The following TAMM41 variants were observed in gnomAD, a reference collection of about 807,000 sequenced individuals.
The protein encoded by TAMM41 is phosphatidate cytidylyltransferase, mitochondrial.
Under a neutral mutation model 44.1 loss-of-function variants are expected in TAMM41, and 36 were observed. That is an observed-to-expected ratio of 0.82 (90% confidence interval 0.63 to 1.08). The LOEUF (loss-of-function observed/expected upper bound fraction) is 1.08, where lower values mean the gene tolerates loss of function less well. Among genes scored for constraint, TAMM41 ranks in the 50% least tolerant of loss-of-function variants. The pLI is 0.00. For missense variants in TAMM41, 417 were observed against 404.3 expected (o/e 1.03, Z -0.27); for synonymous variants, 164 against 153.1 (o/e 1.07, Z -0.53).
chr3:11,758,870 C>A, the TAMM41 span, among the ~76,000 whole-genome samples: 1 of 151,578 alleles, frequency 6.6e-6, no homozygotes, highest in African/African-American at 2.4e-5. Flanking sequence ...GATGGAGTTT[C>A]GCCATGCTGG....
the TAMM41 span, among the ~76,000 whole-genome samples, chr3:11,729,538 C>CTTTTTTTTTTTTT: frequency 8.5e-4 from 56 of 65,518 alleles, 13 homozygotes; most frequent in African/African-American, 2.6e-3. Context: ...TTCTTTCTTT[C>CTTTTTTTTTTTTT]ATTTTTTTTT....
intron 5 of TAMM41, among the ~76,000 whole-genome samples, chr3:11,813,290 G>A (rs1326534487): frequency 2.6e-5 from 4 of 152,166 alleles, no homozygotes; most frequent in African/African-American, 9.7e-5. Flanking sequence ...AGCACTTTGG[G>A]AGGCTGAAGC....
the TAMM41 span, among the ~76,000 whole-genome samples, chr3:11,751,226 G>A: frequency 6.6e-6 from 1 of 151,738 alleles, no homozygotes; most frequent in African/African-American, 2.4e-5. Context: ...TGAGTAGCTG[G>A]GATTACAGGC....
Position 11,846,663 on chromosome 3 carries a change from A to T in TAMM41, c.-27T>A, listed in dbSNP as rs773039499. On this transcript the variant is annotated 5_prime_UTR_variant, in exon 1 of 8. Transcript: ENST00000455809. ...GGGTCGAGGCTAACAGGGGACACTCAGCGCAGCAGGGCGAGGACAACCGGG... is the reference window on the plus strand; with the variant it reads ...GGGTCGAGGCTAACAGGGGACACTCTGCGCAGCAGGGCGAGGACAACCGGG... The T allele has an allele frequency of 4.3e-6, 7 of 1,613,978 alleles. No individual in the cohort carries two copies. The highest frequency in any genetic ancestry group is 5.9e-6 in the Non-Finnish European group (7 of 1,179,904).
Position 11,807,838 on chromosome 3 carries a change from G to A in TAMM41, c.932C>T (p.Thr311Ile). ...CGGATTTCCAAAGCTCTTACCAGCA[G>A]TAAAAATGCCTTTCGTGCTCTGTCT... ...SIRQSTKGIF[T>I]AGLKKSVIYS... Residue 311 changes from threonine to isoleucine, a missense_variant, in exon 7 of 8, where the codon ACT becomes ATT. By Grantham distance (89) the Thr-to-Ile change is moderately conservative (BLOSUM62 -1). Coordinates refer to ENST00000455809, the MANE Select transcript of TAMM41 (RefSeq NM_001284401.2). The A allele has an allele frequency of 6.5e-7, 1 of 1,536,112 alleles. No individual in the cohort carries two copies. The highest frequency in any genetic ancestry group is 8.7e-7 in the Non-Finnish European group (1 of 1,146,918).
intron 3 of TAMM41, among the ~76,000 whole-genome samples, chr3:11,836,253 A>C (rs1036732111): frequency 6.6e-6 from 1 of 152,108 alleles, no homozygotes. Flanking sequence ...AGCCTCCCAA[A>C]GTGCTGGGAT....
rs142742344 is a variant in TAMM41 at position 11,803,216 on chromosome 3, G to A, written c.937+4617C>T. On this transcript the variant is annotated intron_variant, in intron 7 of 7. Coordinates refer to ENST00000455809, the MANE Select transcript of TAMM41 (RefSeq NM_001284401.2). ...GAACCCAGGAGGCAGAGGTTGCTGC[G>A]AGCTGAGATTGCACCACTGCACTCT... Among the ~76,000 whole-genome samples the A allele has an allele frequency of 4.2e-3, 632 of 152,276 alleles. 3 individuals are homozygous for A. The highest frequency in any genetic ancestry group is 0.031 in the Middle Eastern group (9 of 294).
At chr3:11,751,951 C>G in the TAMM41 span, among the ~76,000 whole-genome samples, 1 of 152,110 alleles carries the variant, frequency 6.6e-6, no homozygotes, top group Non-Finnish European at 1.5e-5. Context: ...CAACTAGGAA[C>G]CACTAGGCTT....
At chr3:11,760,923 T>C in the TAMM41 span, among the ~76,000 whole-genome samples, 1 of 151,170 alleles carries the variant, frequency 6.6e-6, no homozygotes, top group South Asian at 2.2e-4. Flanking sequence ...TCCCAGCACT[T>C]TGGGAGGCCG....
the TAMM41 span, among the ~76,000 whole-genome samples, chr3:11,741,791 C>T: frequency 2.4e-4 from 36 of 150,014 alleles, no homozygotes; most frequent in Admixed American, 1.1e-3. Context: ...TTGCCAGCGT[C>T]GCTACTCTGG....
chr3:11,813,961 C>CACAT (rs2078187219), intron 5 of TAMM41, among the ~76,000 whole-genome samples: 2 of 141,390 alleles, frequency 1.4e-5, no homozygotes, highest in Non-Finnish European at 3.0e-5. Context: ...TGTATATATA[C>CACAT]ATATACACAC....
At chr3:11,787,998 G>A (rs1371319293), downstream of TAMM41, among the ~76,000 whole-genome samples, 1 of 152,190 alleles carries the variant, frequency 6.6e-6, no homozygotes, top group African/African-American at 2.4e-5. Flanking sequence ...AAAGACACAA[G>A]TATTCATCAT....
chr3:11,829,578 T>C (rs1258166029), intron 4 of TAMM41, 136 bp downstream of exon 4: 9 of 965,314 alleles, frequency 9.3e-6, no homozygotes, highest in Non-Finnish European at 1.4e-5. Context: ...ACGAGGTTAG[T>C]GCAGGAACCA....
the TAMM41 span, among the ~76,000 whole-genome samples, chr3:11,737,759 G>T: frequency 6.6e-6 from 1 of 152,086 alleles, no homozygotes; most frequent in African/African-American, 2.4e-5. Flanking sequence ...ATACCACAAA[G>T]TCAGCAAAGT....
chr3:11,736,275 G>A, the TAMM41 span, among the ~76,000 whole-genome samples: 1 of 152,176 alleles, frequency 6.6e-6, no homozygotes, highest in African/African-American at 2.4e-5. Flanking sequence ...TGGAAAGGAA[G>A]CATTTTTAGC....
intron 7 of TAMM41, among the ~76,000 whole-genome samples, chr3:11,804,988 G>A (rs2077859559): frequency 7.3e-6 from 1 of 136,734 alleles, no homozygotes. Context: ...GCACCACCAC[G>A]CCCAGCCCTT....
At position 11,826,312 on chromosome 3, in the gene TAMM41, T is replaced by G. The variant is rs181578334; in HGVS notation, c.562+3402A>C. On this transcript the variant is annotated intron_variant, in intron 4 of 7. Coordinates refer to ENST00000455809, the MANE Select transcript of TAMM41 (RefSeq NM_001284401.2). ...ACTCGGGGAGGCCGAGGCGGGAGGA[T>G]CGTTTGAGCTCAGGAATTCGAGACC... Among the ~76,000 whole-genome samples the G allele has an allele frequency of 2.6e-3, 394 of 151,756 alleles. 2 individuals are homozygous for G. Among genetic ancestry groups the G allele is most frequent in the African/African-American group, 9.2e-3 (380 of 41,338 alleles).
chr3:11,836,765 A>C (rs1452386803), intron 3 of TAMM41, among the ~76,000 whole-genome samples: 3 of 152,244 alleles, frequency 2.0e-5, no homozygotes, highest in Admixed American at 2.0e-4. Flanking sequence ...TGCCTGGCCC[A>C]TCTTTTGTAT....
the TAMM41 span, among the ~76,000 whole-genome samples, chr3:11,768,000 C>T: frequency 6.6e-6 from 1 of 151,180 alleles, no homozygotes; most frequent in African/African-American, 2.4e-5. Context: ...CACCACTTCA[C>T]ACCTGTGGGG....
Sources: allele counts gnomAD v4.1 joint callset (sites outside exome capture counted in the v4.1 genomes callset), GRCh38; gene constraint gnomAD v4.1.1; transcripts MANE v1.5; gene names NCBI Gene and HGNC (gene_info 2026-07-23, HGNC 2026-07-21).